CCDC3: variants seen among roughly 807,000 people sequenced by gnomAD.
The protein encoded by CCDC3 is coiled-coil domain-containing protein 3.
A neutral mutation model predicts 21.4 loss-of-function variants in CCDC3; 24 were observed. The ratio of observed to expected loss-of-function variants is 1.12; its 90% CI spans 0.81 to 1.58. The LOEUF (loss-of-function observed/expected upper bound fraction) is 1.58. Ranked by LOEUF, CCDC3 falls within the 40% of genes most tolerant of loss-of-function variation. The pLI is 0.00. For missense variants in CCDC3, 425 were observed against 360.9 expected (o/e 1.18, Z -1.44); for synonymous variants, 186 against 166.0 (o/e 1.12, Z -0.93).
At chr10:12,916,477 G>C (rs1340053548) in intron 2 of CCDC3, among the ~76,000 whole-genome samples, 3 of 150,696 alleles carry the variant, frequency 2.0e-5, no homozygotes, top group South Asian at 2.1e-4. Context: ...GTGCCAACCT[G>C]ATAGTATGGT....
At chr10:12,902,319 C>A (rs979012217) in intron 2 of CCDC3, among the ~76,000 whole-genome samples, 1 of 152,082 alleles carries the variant, frequency 6.6e-6, no homozygotes, top group Non-Finnish European at 1.5e-5. Context: ...AAAATGAGAC[C>A]CCCTCAAAAA....
intron 5 of CCDC3, among the ~76,000 whole-genome samples, chr10:13,041,870 A>G (rs1311198881): frequency 2.0e-5 from 3 of 151,554 alleles, no homozygotes; most frequent in Admixed American, 6.6e-5. Context: ...CAAGTGATCC[A>G]CCTGCCTCAA....
rs1472057694 is a variant in CCDC3, at chr10:12,917,504, CCTTATTTCTATGCCACATT to C, written c.550-18844_550-18826del. On this transcript the variant is annotated intron_variant, in intron 2 of 2. Coordinates refer to ENST00000378825, the MANE Select transcript of CCDC3 (RefSeq NM_031455.4). ...AGCCACTGCGCCCGGCCAGAAATGT[CCTTATTTCTATGCCACATT>C]GAGATACTGTGATCTCTCACCTGGT... is the stretch of plus-strand genomic sequence containing the variant. 2.0e-5 allele frequency among the ~76,000 whole-genome samples: 3 copies of C among 152,082 alleles called. No individual in the cohort carries two copies. The East Asian group carries it at 5.8e-4, about 29-fold the overall frequency.
Position 13,097,048 on chromosome 10 carries a change from G to T in CCDC3, c.-503+1477C>A, listed in dbSNP as rs551767641. 4.6e-5 allele frequency among the ~76,000 whole-genome samples: 7 copies of T among 152,254 alleles called. No individual in the cohort carries two copies. The East Asian group carries it at 1.3e-3, about 29-fold the overall frequency. On this transcript the variant is annotated intron_variant, in intron 3 of 6. Coordinates refer to the CCDC3 transcript ENST00000378839. ...GCTCCTGAAGGTAGGAAGCCCAAAG[G>T]GACTCGTTGCTAACTCCAAACAGAG... is the stretch of plus-strand genomic sequence containing the variant.
intron 5 of CCDC3, among the ~76,000 whole-genome samples, chr10:13,015,238 C>A (rs564571601): frequency 4.6e-5 from 7 of 152,100 alleles, no homozygotes; most frequent in Admixed American, 2.6e-4. Context: ...TTTAAAAGGA[C>A]CTGTAAGACC....
At chr10:12,941,001 G>T (rs78556486) in intron 2 of CCDC3, among the ~76,000 whole-genome samples, 1 of 152,172 alleles carries the variant, frequency 6.6e-6, no homozygotes, top group African/African-American at 2.4e-5. Flanking sequence ...TCCATTTTGT[G>T]TAGAGGCTGG....
chr10:13,011,481 G>A (rs866671648), intron 5 of CCDC3, among the ~76,000 whole-genome samples: 2 of 151,980 alleles, frequency 1.3e-5, no homozygotes, highest in Admixed American at 6.6e-5. Context: ...AGCTAACCAG[G>A]GAGGTGAAAG....
intron 5 of CCDC3, among the ~76,000 whole-genome samples, chr10:13,032,292 C>G (rs527768723): frequency 2.0e-5 from 3 of 152,120 alleles, no homozygotes; most frequent in African/African-American, 4.8e-5. Context: ...ATTCAACAGC[C>G]CTTCATGCTA....
intron 2 of CCDC3, among the ~76,000 whole-genome samples, chr10:12,911,273 A>C (rs10795995): frequency 0.39 from 59,077 of 152,068 alleles, 12,992 homozygotes; most frequent in African/African-American, 0.61. Context: ...TCTTTCTTCC[A>C]CTAGACTAAA....
rs55816883 is a variant in CCDC3, at chr10:12,979,907, G to A, written c.549+18431C>T. On this transcript the variant is annotated intron_variant, in intron 2 of 2. Transcript: ENST00000378825. ...GGGCACAGGCCTGTGCACTTTTGAA[G>A]CCCCATGCTAGTTTCTACTGATAGC... Among the ~76,000 whole-genome samples the A allele has an allele frequency of 2.5e-3, 380 of 152,262 alleles. 2 individuals carry two copies. Among genetic ancestry groups the A allele is most frequent in the African/African-American group, 8.7e-3 (363 of 41,550 alleles).
chr10:13,028,090 C>T (rs1009077362), intron 5 of CCDC3, among the ~76,000 whole-genome samples: 1 of 152,280 alleles, frequency 6.6e-6, no homozygotes, highest in South Asian at 2.1e-4. Context: ...TATGGTTTGG[C>T]TGTGTCCTCA....
chr10:12,930,002 A>T (rs1834614920), intron 2 of CCDC3, among the ~76,000 whole-genome samples: 1 of 152,236 alleles, frequency 6.6e-6, no homozygotes, highest in Non-Finnish European at 1.5e-5. Flanking sequence ...TTTTATGAGT[A>T]GATTAATAGT....
chr10:13,064,386 C>T (rs1368881609), intron 4 of CCDC3, among the ~76,000 whole-genome samples: 3 of 152,188 alleles, frequency 2.0e-5, no homozygotes, highest in South Asian at 2.1e-4. Context: ...CATAAAATTT[C>T]TTTCATGTGT....
chr10:13,036,258 G>A (rs1348007889), intron 5 of CCDC3, among the ~76,000 whole-genome samples: 1 of 152,160 alleles, frequency 6.6e-6, no homozygotes, highest in African/African-American at 2.4e-5. Flanking sequence ...GTTGTCCTGA[G>A]TCCTGCCCTA....
intron 2 of CCDC3, among the ~76,000 whole-genome samples, chr10:12,951,825 A>AAAAAAAAAAG: frequency 6.6e-6 from 1 of 151,336 alleles, no homozygotes; most frequent in Non-Finnish European, 1.5e-5. Flanking sequence ...AAAAAAAAAA[A>AAAAAAAAAAG]AAGTTGTTCT....
chr10:13,014,567 G>T (rs1836027594), intron 5 of CCDC3, among the ~76,000 whole-genome samples: 1 of 151,854 alleles, frequency 6.6e-6, no homozygotes, highest in Non-Finnish European at 1.5e-5. Flanking sequence ...ACTTCATTGA[G>T]ACAAGTGGCA....
chr10:12,910,627 T>TG (rs1834257856), intron 2 of CCDC3, among the ~76,000 whole-genome samples: 1 of 146,996 alleles, frequency 6.8e-6, no homozygotes, highest in Non-Finnish European at 1.5e-5. Flanking sequence ...TTTTTTTTTT[T>TG]GACACAGAGT....
At chr10:13,052,284 G>T (rs780670667) in intron 4 of CCDC3, among the ~76,000 whole-genome samples, 10 of 152,024 alleles carry the variant, frequency 6.6e-5, no homozygotes, top group Non-Finnish European at 1.2e-4. Context: ...GAGGCGGGAA[G>T]ATCGCTCAAG....
At chr10:13,042,607 C>G (rs7088757) in intron 5 of CCDC3, among the ~76,000 whole-genome samples, 2 of 152,010 alleles carry the variant, frequency 1.3e-5, no homozygotes, top group African/African-American at 4.8e-5. Context: ...AAATAATGGT[C>G]GAAAACTCCA....
Sources: allele counts gnomAD v4.1 joint callset (sites outside exome capture counted in the v4.1 genomes callset), GRCh38; gene constraint gnomAD v4.1.1; transcripts MANE v1.5; gene names NCBI Gene and HGNC (gene_info 2026-07-23, HGNC 2026-07-21).